PDGFC: variants seen among roughly 807,000 people sequenced by gnomAD.
The protein encoded by PDGFC is platelet-derived growth factor C.
A neutral mutation model predicts 35.5 loss-of-function variants in PDGFC; 12 were observed. The observed-to-expected ratio is 0.34, with a 90% CI of 0.22 to 0.55. The LOEUF (loss-of-function observed/expected upper bound fraction) is 0.55. PDGFC is among the 20% of genes least tolerant of loss of function. PDGFC has a pLI of 0.91. For synonymous variants in PDGFC, 159 were observed against 148.8 expected (o/e 1.07, Z -0.50); for missense variants, 322 against 412.4 (o/e 0.78, Z 1.90).
intron 1 of PDGFC, among the ~76,000 whole-genome samples, chr4:156,961,703 T>TTA (rs1414472513): frequency 6.6e-6 from 1 of 152,152 alleles, no homozygotes; most frequent in Non-Finnish European, 1.5e-5. Context: ...CTTAAAAGTG[T>TTA]TATAACTGTT....
chr4:156,825,179 G>T (rs545081333), intron 2 of PDGFC, among the ~76,000 whole-genome samples: 1 of 152,070 alleles, frequency 6.6e-6, no homozygotes, highest in Non-Finnish European at 1.5e-5. Flanking sequence ...CTCCTCAAAT[G>T]CATTCCAACT....
rs2110999477 is a variant in PDGFC at position 156,970,860 on chromosome 4, C to A, written c.44G>T (p.Gly15Val). 1.2e-6 allele frequency: 2 copies of A among 1,613,956 alleles called. No homozygotes were observed. The highest frequency in any genetic ancestry group is 2.2e-5 in the East Asian group (1 of 44,840). ...GLLLLTSALA[G>V]QRQGTQAESN... ...TTCCGCCTGAGTCCCCTGTCTCTGG[C>A]CGGCCAGGGCAGATGTCAGCAGGAG... is the stretch of plus-strand genomic sequence containing the variant. Residue 15 changes from glycine to valine, a missense_variant, in exon 1 of 6, where the codon GGC (glycine) becomes GTC (valine). Gly to Val is a moderately radical substitution (Grantham distance 109). Transcript: ENST00000502773.
chr4:156,778,320 T>A, intron 3 of PDGFC: 2 of 229,908 alleles, frequency 8.7e-6, no homozygotes, highest in Admixed American at 4.9e-5. Context: ...CTGGTGAATG[T>A]GGACCAGAAA....
chr4:156,793,932 T>C (rs1423613433), intron 3 of PDGFC, among the ~76,000 whole-genome samples: 1 of 151,988 alleles, frequency 6.6e-6, no homozygotes, highest in African/African-American at 2.4e-5. Context: ...ACCCTTGCAG[T>C]GAGATTCAGT....
At chr4:156,913,644 A>G (rs1731092982) in intron 1 of PDGFC, among the ~76,000 whole-genome samples, 2 of 151,144 alleles carry the variant, frequency 1.3e-5, no homozygotes, top group African/African-American at 4.9e-5. Context: ...CCCAATAAAC[A>G]CCTTATCTTA....
chr4:156,893,365 G>C (rs1025959994), intron 1 of PDGFC, among the ~76,000 whole-genome samples: 7 of 151,334 alleles, frequency 4.6e-5, no homozygotes, highest in Non-Finnish European at 1.0e-4. Flanking sequence ...ACAGGGTCTT[G>C]GTCTGTCACC....
At chr4:156,874,114 T>C (rs1373007273) in intron 1 of PDGFC, 1 of 152,190 alleles carries the variant, frequency 6.6e-6, no homozygotes, top group Non-Finnish European at 1.5e-5. Flanking sequence ...GGTCAAATAC[T>C]AGACATAAAG....
intron 1 of PDGFC, among the ~76,000 whole-genome samples, chr4:156,929,556 T>C (rs1264518180): frequency 6.6e-6 from 1 of 151,870 alleles, no homozygotes; most frequent in African/African-American, 2.4e-5. Context: ...ATGAAATCTC[T>C]CTTCTTACAG....
intron 1 of PDGFC, among the ~76,000 whole-genome samples, chr4:156,965,992 G>A (rs556105066): frequency 6.6e-6 from 1 of 152,046 alleles, no homozygotes; most frequent in Non-Finnish European, 1.5e-5. Context: ...GCTTCATCAC[G>A]TGTTGGTCCA....
At chr4:156,968,327 A>G (rs1211294809) in intron 1 of PDGFC, among the ~76,000 whole-genome samples, 1 of 152,176 alleles carries the variant, frequency 6.6e-6, no homozygotes, top group East Asian at 1.9e-4. Context: ...GACCTGTCAC[A>G]AAACGATGCA....
chr4:156,787,089 T>C (rs747151302), intron 3 of PDGFC, among the ~76,000 whole-genome samples: 2 of 152,238 alleles, frequency 1.3e-5, no homozygotes, highest in Non-Finnish European at 2.9e-5. Flanking sequence ...GTCATGAGAC[T>C]GGACAAGATT....
chr4:156,937,979 C>T lies in PDGFC; in HGVS notation c.118+32807G>A, dbSNP rs937181023. Among the ~76,000 whole-genome samples the T allele has an allele frequency of 1.1e-3, 169 of 152,164 alleles. 1 individual carries two copies. The highest frequency in any genetic ancestry group is 3.8e-3 in the African/African-American group (158 of 41,516). On this transcript the variant is annotated intron_variant, in intron 1 of 5. Transcript: ENST00000502773. ...TTTAATAATGTGCTTAATATTGATA[C>T]ATTTACAACCTACTAAATTAATATA...
At chr4:156,812,579 C>T (rs1731968102) in intron 2 of PDGFC, among the ~76,000 whole-genome samples, 1 of 151,914 alleles carries the variant, frequency 6.6e-6, no homozygotes, top group African/African-American at 2.4e-5. Context: ...AAAAATACTA[C>T]ATTTTACGTA....
At chr4:156,832,048 T>C (rs752516159) in intron 2 of PDGFC, among the ~76,000 whole-genome samples, 1 of 152,114 alleles carries the variant, frequency 6.6e-6, no homozygotes, top group Non-Finnish European at 1.5e-5. Context: ...ATTTTTTTTC[T>C]AGTTTCTCTC....
In PDGFC at chr4:156,763,942, C is replaced by T. The variant is rs1730451177; in HGVS notation, c.922-736G>A. ...TTGACACTTATGCTACACATATTTCCTCTTAATACTATGACAAAAAGATGC... is the reference window on the plus strand; with the variant it reads ...TTGACACTTATGCTACACATATTTCTTCTTAATACTATGACAAAAAGATGC... On this transcript the variant is annotated intron_variant, in intron 5 of 5. Transcript: ENST00000502773. Among the ~76,000 whole-genome samples, 3 of 152,274 alleles carry T rather than the reference C, an allele frequency of 2.0e-5. No homozygotes were observed. The South Asian group carries it at 6.2e-4, about 32-fold the overall frequency.
At chr4:156,813,588 G>C (rs906303368) in intron 2 of PDGFC, among the ~76,000 whole-genome samples, 1 of 152,088 alleles carries the variant, frequency 6.6e-6, no homozygotes, top group Non-Finnish European at 1.5e-5. Context: ...AAGATGTAAA[G>C]AAGAAAGAAA....
intron 1 of PDGFC, among the ~76,000 whole-genome samples, chr4:156,969,955 G>A (rs1732552902): frequency 6.6e-6 from 1 of 152,190 alleles, no homozygotes; most frequent in South Asian, 2.1e-4. Context: ...ATTGAATGAT[G>A]TAAATCATAT....
Position 156,772,673 on chromosome 4 carries a change from A to T in PDGFC, c.703+13T>A, listed in dbSNP as rs773353932. ...AAAATTAAATGAGGTTCTAATCTGA[A>T]GAGGGAGCTTACCTCTGGATTTTCT... On this transcript the variant is annotated intron_variant, in intron 4 of 5. Transcript: ENST00000502773. 1 of 1,579,690 alleles carries T rather than the reference A, an allele frequency of 6.3e-7. No individual in the cohort carries two copies. Among genetic ancestry groups the T allele is most frequent in the East Asian group, 2.2e-5 (1 of 44,622 alleles).
chr4:156,769,134 T>C (rs1185322454), intron 4 of PDGFC, among the ~76,000 whole-genome samples: 1 of 151,774 alleles, frequency 6.6e-6, no homozygotes, highest in East Asian at 1.9e-4. Context: ...AGAAATATTA[T>C]CTAAAATATA....
Sources: gnomAD v4.1 joint callset for allele counts (sites outside exome capture counted in the v4.1 genomes callset) on GRCh38, gnomAD v4.1.1 for gene constraint, MANE v1.5 for transcripts, NCBI Gene and HGNC (gene_info 2026-07-23, HGNC 2026-07-21) for gene names.